RNF103: variants seen among roughly 807,000 people sequenced by gnomAD.
The protein encoded by RNF103 is ring finger protein 103, also known as E3 ubiquitin-protein ligase RNF103.
RNF103 carries 23 observed loss-of-function variants against 66.2 expected under a neutral mutation model. The ratio of observed to expected loss-of-function variants is 0.35; its 90% confidence interval spans 0.25 to 0.49. The LOEUF (loss-of-function observed/expected upper bound fraction) is 0.49. RNF103 is among the 20% of genes least tolerant of loss of function. The probability of loss-of-function intolerance (pLI) is 0.98; values close to 1 mark genes in which losing one functional copy is unlikely to be tolerated. For synonymous variants in RNF103, 297 were observed against 289.9 expected (o/e 1.02, Z -0.25); for missense variants, 730 against 814.7 (o/e 0.90, Z 1.27).
chr2:86,609,479 T>C (rs1347179462), intron 3 of RNF103, among the ~76,000 whole-genome samples: 2 of 150,210 alleles, frequency 1.3e-5, no homozygotes, highest in East Asian at 3.9e-4. Flanking sequence ...CTCCACCTCC[T>C]GGGTTCAGGT....
chr2:86,621,542 T>C (rs552531799), intron 1 of RNF103, among the ~76,000 whole-genome samples: 2 of 152,338 alleles, frequency 1.3e-5, no homozygotes, highest in East Asian at 3.9e-4. Context: ...ATTTATCACT[T>C]CTGCAGAGTG....
rs1327377349 is a variant in RNF103 at position 86,619,916 on chromosome 2, T to C, written c.366+414A>G. ...CTATTTCCCTAATACAATGATTCCT[T>C]TACTTTTACTTTAGGGTTCTTACTT... On this transcript the variant is annotated intron_variant, in intron 2 of 3. Coordinates refer to ENST00000237455, the MANE Select transcript of RNF103 (RefSeq NM_005667.4). Among the ~76,000 whole-genome samples, 7 of 152,180 alleles carry C rather than the reference T, an allele frequency of 4.6e-5. No homozygotes were observed. The East Asian group carries it at 1.3e-3, about 29-fold the overall frequency.
rs1678676209 is a variant in RNF103, at chr2:86,608,904, G to A, written c.482+3255C>T. 3.3e-5 allele frequency among the ~76,000 whole-genome samples: 5 copies of A among 152,164 alleles called. No individual in the cohort carries two copies. The South Asian group carries it at 1.0e-3, about 32-fold the overall frequency. On this transcript the variant is annotated intron_variant, in intron 3 of 3. Transcript: ENST00000237455. Reference sequence around the variant, plus strand: ...AAGGCCACTCCTTCTGGGTACATAGGGAAAGAAATTAAAGCTGCTACAACT... The same window carrying A: ...AAGGCCACTCCTTCTGGGTACATAGAGAAAGAAATTAAAGCTGCTACAACT...
rs949142242 is a variant in RNF103 at position 86,623,635 on chromosome 2, G to T, written c.-749C>A. ...GGCCCGGCCCAGGATGGGGCGTCGCGGTCTCTGCAGATGGAATCGGTCTCG... is the reference window on the plus strand; with the variant it reads ...GGCCCGGCCCAGGATGGGGCGTCGCTGTCTCTGCAGATGGAATCGGTCTCG... On this transcript the variant is annotated 5_prime_UTR_variant, in exon 1 of 4. Transcript: ENST00000237455. 2 of 1,100,580 alleles carry T rather than the reference G, an allele frequency of 1.8e-6. No individual in the cohort carries two copies. Among genetic ancestry groups the T allele is most frequent in the South Asian group, 1.9e-5 (1 of 52,684 alleles). The allele number at this position is 1,100,580 out of a possible 1,614,324, so 68.2% of individuals were successfully genotyped here.
chr2:86,607,163 ATTTG>A (rs1209392921), intron 3 of RNF103, among the ~76,000 whole-genome samples: 2 of 152,166 alleles, frequency 1.3e-5, no homozygotes, highest in African/African-American at 2.4e-5. Context: ...GAAACGTTTT[ATTTG>A]TTACAGATTT....
intron 2 of RNF103, among the ~76,000 whole-genome samples, chr2:86,615,877 T>G (rs1678998936): frequency 6.6e-6 from 1 of 152,180 alleles, no homozygotes; most frequent in South Asian, 2.1e-4. Flanking sequence ...GCTAATACAG[T>G]GCCCAACTCA....
chr2:86,612,152 A>G lies in RNF103; in HGVS notation c.482+7T>C. ...CTCAAATTCTAAGAATTGCCTAATCAACTTACCTGGGATCACTGGAACAGT... is the reference window on the plus strand; with the variant it reads ...CTCAAATTCTAAGAATTGCCTAATCGACTTACCTGGGATCACTGGAACAGT... On this transcript the variant is annotated splice_region_variant and intron_variant, in intron 3 of 3. Transcript: ENST00000237455. 6.3e-7 allele frequency: 1 copy of G among 1,590,162 alleles called. No homozygotes were observed. Among genetic ancestry groups the G allele is most frequent in the Non-Finnish European group, 8.6e-7 (1 of 1,164,992 alleles).
In RNF103 at chr2:86,620,330, C is replaced by G. The variant is rs373719573; in HGVS notation, c.366G>C (p.Gln122His). 1.3e-6 allele frequency: 2 copies of G among 1,594,232 alleles called. No homozygotes were observed. Among genetic ancestry groups the G allele is most frequent in the Non-Finnish European group, 1.7e-6 (2 of 1,167,094 alleles). Residue 122 changes from glutamine to histidine, a missense_variant and splice_region_variant, in exon 2 of 4, where the codon CAG becomes CAC. Coordinates refer to ENST00000237455, the MANE Select transcript of RNF103 (RefSeq NM_005667.4). Reference protein sequence around the residue: ...EDTKDGIWLVQVIANDRSPLV... With the variant: ...EDTKDGIWLVHVIANDRSPLV... ...ATCAAATTATTACTGCTTTTCATAC[C>G]TGAACCAGCCAGATGCCATCTTTTG...
Position 86,605,009 on chromosome 2 carries a change from T to C in RNF103, c.892A>G (p.Arg298Gly), listed in dbSNP as rs61760875. The C allele has an allele frequency of 8.7e-4, 1,399 of 1,614,136 alleles. 2 individuals are homozygous for C. The highest frequency in any genetic ancestry group is 9.9e-4 in the Non-Finnish European group (1,166 of 1,180,018). Residue 298 changes from arginine (R) to glycine (G), a missense_variant, in exon 4 of 4, where the codon AGG becomes GGG. By Grantham distance (125) the Arg-to-Gly change is moderately radical. Transcript: ENST00000237455. ...AATTCGCCTGTGTGGTTTCCATACCTGTAAATTCCTTCAGGAGTTCTAAGT... is the reference window on the plus strand; with the variant it reads ...AATTCGCCTGTGTGGTTTCCATACCCGTAAATTCCTTCAGGAGTTCTAAGT... ...YILRTPEGIY[R>G]YGNHTGEFIS... is the part of the protein sequence containing the mutation.
Position 86,623,461 on chromosome 2 carries a change from G to T in RNF103, c.-575C>A, listed in dbSNP as rs1679319032. ...GGCCCAGCGTGTTCTGCGCGGGGAGGAGCGGCCGCCGCAACGCCGCGCCCG... is the reference window on the plus strand; with the variant it reads ...GGCCCAGCGTGTTCTGCGCGGGGAGTAGCGGCCGCCGCAACGCCGCGCCCG... On this transcript the variant is annotated 5_prime_UTR_variant, in exon 1 of 4. Transcript: ENST00000237455. The T allele has an allele frequency of 1.0e-6, 1 of 982,162 alleles. No homozygotes were observed. The highest frequency in any genetic ancestry group is 1.1e-4 in the East Asian group (1 of 8,714). The allele number at this position is 982,162 out of a possible 1,614,324, so 60.8% of individuals were successfully genotyped here.
rs759307984 is a variant in RNF103 at position 86,603,523 on chromosome 2, C to A, written c.*320G>T. ...GGAGGAAACATTTAGGATAAGAAAC[C>A]GGCTCAATTCCATTAGAATTTGATC... On this transcript the variant is annotated 3_prime_UTR_variant, in exon 4 of 4. Transcript: ENST00000237455. 1 of 270,062 alleles carries A rather than the reference C, an allele frequency of 3.7e-6. No individual in the cohort carries two copies. Among genetic ancestry groups the A allele is most frequent in the Admixed American group, 4.9e-5 (1 of 20,482 alleles). 16.7% of individuals were successfully genotyped at this position (270,062 alleles called of 1,614,324 possible). A position where few individuals can be genotyped will look rare whatever the true frequency, so the allele number is the denominator to read the frequency against.
At chr2:86,619,329 C>G (rs959635909) in intron 2 of RNF103, among the ~76,000 whole-genome samples, 5 of 152,082 alleles carry the variant, frequency 3.3e-5, no homozygotes, top group Non-Finnish European at 5.9e-5. Flanking sequence ...AATTTTCATG[C>G]CCTGAATCAA....
chr2:86,613,342 A>G (rs1026970528), intron 2 of RNF103: 4 of 152,170 alleles, frequency 2.6e-5, no homozygotes, highest in African/African-American at 7.2e-5. Flanking sequence ...CCTGCCTTTA[A>G]TGAAGGCAGA....
chr2:86,610,499 T>C (rs1020199465), intron 3 of RNF103, among the ~76,000 whole-genome samples: 4 of 152,206 alleles, frequency 2.6e-5, no homozygotes, highest in Admixed American at 1.3e-4. Context: ...TCTTTCAGTT[T>C]TTCACGTTTA....
Position 86,623,027 on chromosome 2 carries a change from C to T in RNF103, c.-141G>A. On this transcript the variant is annotated 5_prime_UTR_variant, in exon 1 of 4. Coordinates refer to ENST00000237455, the MANE Select transcript of RNF103 (RefSeq NM_005667.4). ...GCCACCCGGCGCCGTCACTGGCCGG[C>T]CATCCCCGGCGGGGAAGCAGGTGAC... The T allele has an allele frequency of 1.5e-6, 2 of 1,354,250 alleles. No homozygotes were observed. Among genetic ancestry groups the T allele is most frequent in the Non-Finnish European group, 1.9e-6 (2 of 1,059,526 alleles). 83.9% of individuals were successfully genotyped at this position (1,354,250 alleles called of 1,614,324 possible).
In RNF103 at chr2:86,623,424, G is replaced by C. The variant is rs1209310818; in HGVS notation, c.-538C>G. 2.0e-6 allele frequency: 2 copies of C among 981,560 alleles called. No homozygotes were observed. Among genetic ancestry groups the C allele is most frequent in the African/African-American group, 3.5e-5 (2 of 56,816 alleles). The allele number at this position is 981,560 out of a possible 1,614,324, so 60.8% of individuals were successfully genotyped here. ...GTCAGGAGGGCGCGGCGCTCGGCCG[G>C]GCCAGGCCCGGGGCCCAGCGTGTTC... On this transcript the variant is annotated 5_prime_UTR_variant, in exon 1 of 4. Transcript: ENST00000237455.
chr2:86,620,242 G>A lies in RNF103; in HGVS notation c.366+88C>T, dbSNP rs747111545. The A allele has an allele frequency of 5.8e-4, 799 of 1,383,894 alleles. 1 individual carries two copies. The highest frequency in any genetic ancestry group is 7.3e-4 in the Non-Finnish European group (767 of 1,049,934). The allele number at this position is 1,383,894 out of a possible 1,614,324, so 85.7% of individuals were successfully genotyped here. ...TGTGAGAAACAAGACACAAGGACAC[G>A]GAAGTGTCACTGGCTGGTACATACT... On this transcript the variant is annotated intron_variant, in intron 2 of 3. Coordinates refer to ENST00000237455, the MANE Select transcript of RNF103 (RefSeq NM_005667.4).
intron 3 of RNF103, among the ~76,000 whole-genome samples, chr2:86,606,998 C>A (rs1678594155): frequency 6.6e-6 from 1 of 151,750 alleles, no homozygotes; most frequent in African/African-American, 2.4e-5. Flanking sequence ...GCCCAGGCTG[C>A]CTTTTGTTTT....
At chr2:86,615,121 T>C (rs1445586559) in intron 2 of RNF103, 1 of 985,254 alleles carries the variant, frequency 1.0e-6, no homozygotes, top group Non-Finnish European at 1.2e-6. Flanking sequence ...ATAGCAGAGA[T>C]AGTAGAAGTG....
Sources: gnomAD v4.1 joint callset for allele counts (sites outside exome capture counted in the v4.1 genomes callset) on GRCh38, gnomAD v4.1.1 for gene constraint, MANE v1.5 for transcripts, NCBI Gene and HGNC (gene_info 2026-07-23, HGNC 2026-07-21) for gene names.